ROBO2: variants seen among roughly 807,000 people sequenced by gnomAD.
The protein encoded by ROBO2 is roundabout guidance receptor 2, also known as roundabout homolog 2.
Under a neutral mutation model 160.8 loss-of-function variants are expected in ROBO2, and 53 were observed. That is an observed-to-expected ratio of 0.33 (90% CI 0.26 to 0.41). ROBO2 has a LOEUF of 0.41. Among genes scored for constraint, ROBO2 ranks in the 10% least tolerant of loss-of-function variants. ROBO2 has a pLI of 1.00. For missense variants in ROBO2, 1,577 were observed against 1,722.4 expected (o/e 0.92, Z 1.49); for synonymous variants, 664 against 611.7 (o/e 1.09, Z -1.26).
At chr3:76,472,149 A>G (rs1004590095) in intron 2 of ROBO2, among the ~76,000 whole-genome samples, 1 of 152,040 alleles carries the variant, frequency 6.6e-6, no homozygotes, top group Admixed American at 6.6e-5. Context: ...ACCTATAGCC[A>G]CATTTCCTAC....
chr3:77,422,475 C>T (rs558335006), intron 2 of ROBO2, among the ~76,000 whole-genome samples: 1 of 152,270 alleles, frequency 6.6e-6, no homozygotes, highest in African/African-American at 2.4e-5. Context: ...TTTTTAAAAA[C>T]GTCTTTGCCA....
chr3:77,145,773 G>A (rs993846916), intron 2 of ROBO2, among the ~76,000 whole-genome samples: 1 of 152,124 alleles, frequency 6.6e-6, no homozygotes, highest in Non-Finnish European at 1.5e-5. Context: ...AAATGCCATG[G>A]TAAAATTCTT....
intron 2 of ROBO2, among the ~76,000 whole-genome samples, chr3:76,196,755 C>T (rs541255121): frequency 1.5e-4 from 23 of 152,030 alleles, no homozygotes; most frequent in South Asian, 2.1e-4. Context: ...ATTGTCATGT[C>T]TTTTTATTCT....
chr3:76,616,421 G>A (rs2088590079), intron 2 of ROBO2, among the ~76,000 whole-genome samples: 2 of 152,180 alleles, frequency 1.3e-5, no homozygotes, highest in South Asian at 4.1e-4. Flanking sequence ...GGAACACCTT[G>A]TGTGATTCAT....
At chr3:76,659,594 G>C (rs1364860387) in intron 2 of ROBO2, among the ~76,000 whole-genome samples, 1 of 151,910 alleles carries the variant, frequency 6.6e-6, no homozygotes. Flanking sequence ...TGCCCATAAT[G>C]GCTGACCAAG....
At chr3:76,833,239 G>A (rs1359853906) in intron 2 of ROBO2, among the ~76,000 whole-genome samples, 3 of 152,056 alleles carry the variant, frequency 2.0e-5, no homozygotes, top group East Asian at 1.9e-4. Context: ...TATATAGTCC[G>A]CGGACAGTAA....
chr3:76,348,012 T>C (rs1472964973), intron 2 of ROBO2, among the ~76,000 whole-genome samples: 3 of 152,150 alleles, frequency 2.0e-5, no homozygotes, highest in Non-Finnish European at 4.4e-5. Flanking sequence ...AACTGCTACC[T>C]TTGAGGCTTC....
intron 2 of ROBO2, among the ~76,000 whole-genome samples, chr3:76,737,031 G>A (rs987374062): frequency 6.6e-6 from 1 of 152,192 alleles, no homozygotes. Flanking sequence ...GCTCTGCAAA[G>A]TTATTGAGAA....
chr3:76,227,030 A>G (rs1433109543), intron 2 of ROBO2, among the ~76,000 whole-genome samples: 1 of 152,194 alleles, frequency 6.6e-6, no homozygotes, highest in Non-Finnish European at 1.5e-5. Flanking sequence ...GTTGGCATTC[A>G]CCAGCATTGC....
chr3:77,449,693 G>A (rs2080925515), intron 2 of ROBO2, among the ~76,000 whole-genome samples: 1 of 152,090 alleles, frequency 6.6e-6, no homozygotes, highest in Non-Finnish European at 1.5e-5. Context: ...CTTAAGCTGT[G>A]TGATTAGGTG....
chr3:75,935,908 T>C (rs1420920815), intron 1 of ROBO2, among the ~76,000 whole-genome samples: 3 of 152,202 alleles, frequency 2.0e-5, no homozygotes, highest in Non-Finnish European at 4.4e-5. Flanking sequence ...TAGGGGATCG[T>C]GTAGCATTTC....
At chr3:76,516,390 C>A (rs1299375194) in intron 2 of ROBO2, among the ~76,000 whole-genome samples, 2 of 152,132 alleles carry the variant, frequency 1.3e-5, no homozygotes, top group Non-Finnish European at 2.9e-5. Context: ...TTCAGAGCTT[C>A]CACAAAGTTT....
At chr3:77,447,627 A>G (rs2080681024) in intron 2 of ROBO2, among the ~76,000 whole-genome samples, 1 of 152,082 alleles carries the variant, frequency 6.6e-6, no homozygotes, top group Admixed American at 6.6e-5. Context: ...TTCATTTTTT[A>G]TATTTATATA....
At chr3:77,177,563 A>AT (rs1174345907) in intron 2 of ROBO2, among the ~76,000 whole-genome samples, 10 of 148,076 alleles carry the variant, frequency 6.8e-5, no homozygotes, top group Admixed American at 4.7e-4. Context: ...GTTATACTAT[A>AT]TTTTTTTATT....
chr3:77,166,714 C>T (rs979689991), intron 2 of ROBO2, among the ~76,000 whole-genome samples: 14 of 150,436 alleles, frequency 9.3e-5, no homozygotes, highest in African/African-American at 3.3e-4. Context: ...GCCGCCACCA[C>T]TCCCGGCTAA....
rs1318876392 is a variant in ROBO2, at chr3:76,595,423, TGA to T, written c.110-502589_110-502588del. On this transcript the variant is annotated intron_variant, in intron 2 of 26. Transcript: ENST00000487694. ...TATAACATTTTCACAAAAATATATT[TGA>T]GTTTTGTGATTTATAAAATGATAGA... Among the ~76,000 whole-genome samples the T allele has an allele frequency of 3.3e-5, 5 of 152,198 alleles. 1 individual carries two copies. The East Asian group carries it at 7.7e-4, about 24-fold the overall frequency.
chr3:76,184,528 G>C (rs1038351225), intron 2 of ROBO2, among the ~76,000 whole-genome samples: 2 of 149,038 alleles, frequency 1.3e-5, no homozygotes, highest in Non-Finnish European at 3.0e-5. Context: ...ACTCCAGAGA[G>C]ACAGAACAAA....
chr3:77,227,253 G>T (rs1411141402), intron 2 of ROBO2, among the ~76,000 whole-genome samples: 2 of 152,098 alleles, frequency 1.3e-5, no homozygotes, highest in African/African-American at 4.8e-5. Context: ...ATTGCAGGTG[G>T]TCATAAACCG....
At chr3:76,171,297 C>T (rs1365525949) in intron 2 of ROBO2, among the ~76,000 whole-genome samples, 1 of 151,394 alleles carries the variant, frequency 6.6e-6, no homozygotes, top group Non-Finnish European at 1.5e-5. Flanking sequence ...CCCAAATCTC[C>T]TTCTCCCAAA....
Sources: gnomAD v4.1 joint callset for allele counts (sites outside exome capture counted in the v4.1 genomes callset) on GRCh38, gnomAD v4.1.1 for gene constraint, MANE v1.5 for transcripts, NCBI Gene and HGNC (gene_info 2026-07-23, HGNC 2026-07-21) for gene names.